CFAP54: variants seen among roughly 807,000 people sequenced by gnomAD.
CFAP54 encodes the protein cilia and flagella associated protein 54, also known as cilia- and flagella-associated protein 54.
A neutral mutation model predicts 370.4 loss-of-function variants in CFAP54; 290 were observed. The observed-to-expected ratio is 0.78, with a 90% confidence interval of 0.71 to 0.86. The LOEUF (loss-of-function observed/expected upper bound fraction) is 0.86. Among genes scored for constraint, CFAP54 ranks in the 40% least tolerant of loss-of-function variants. The pLI, the probability that CFAP54 is intolerant of heterozygous loss-of-function variation, is 0.00. For synonymous variants in CFAP54, 1,206 were observed against 1,236.5 expected (o/e 0.98, Z 0.52); for missense variants, 3,399 against 3,528.7 (o/e 0.96, Z 0.93).
chr12:96,762,832 A>G (rs529861409), intron 58 of CFAP54, among the ~76,000 whole-genome samples: 3 of 152,016 alleles, frequency 2.0e-5, no homozygotes, highest in East Asian at 3.9e-4. Flanking sequence ...CCCCATAGGT[A>G]GATCTTTCCA....
rs1428517474 is a variant in CFAP54 at position 96,644,169 on chromosome 12, C to T, written c.4317-9C>T. 8 of 1,510,556 alleles carry T rather than the reference C, an allele frequency of 5.3e-6. No homozygotes were observed. Among genetic ancestry groups the T allele is most frequent in the Non-Finnish European group, 7.1e-6 (8 of 1,129,762 alleles). The allele number at this position is 1,510,556 out of a possible 1,614,324, so 93.6% of individuals were successfully genotyped here. On this transcript the variant is annotated splice_polypyrimidine_tract_variant and intron_variant, in intron 32 of 67. Transcript: ENST00000524981. ...TGTGTAATTTCAAAACTTCTTTCTC[C>T]CTTGGCAGAAATAGGAGAACCAGTG...
intron 48 of CFAP54, among the ~76,000 whole-genome samples, chr12:96,715,810 T>C (rs535090671): frequency 2.2e-4 from 34 of 152,214 alleles, no homozygotes; most frequent in Non-Finnish European, 3.4e-4. Context: ...ATATTTTTAT[T>C]GTCTTCCCAC....
chr12:96,564,833 CT>C, intron 19 of CFAP54, 68 bp downstream of exon 19: 1 of 518,396 alleles, frequency 1.9e-6, no homozygotes, highest in Non-Finnish European at 3.3e-6. Context: ...GATTCATTTC[CT>C]TTATTAAAAA....
chr12:96,689,126 G>T lies in CFAP54; in HGVS notation c.6081+144G>T, dbSNP rs577017854. Reference sequence around the variant, plus strand: ...AATATGACAAGCCCGTCTTTCTCTTGCTGGCTGAACCCCTGTGAGACTTTC... The same window carrying T: ...AATATGACAAGCCCGTCTTTCTCTTTCTGGCTGAACCCCTGTGAGACTTTC... On this transcript the variant is annotated intron_variant, in intron 43 of 67. Coordinates refer to ENST00000524981, the MANE Select transcript of CFAP54 (RefSeq NM_001306084.2). 6 of 515,044 alleles carry T rather than the reference G, an allele frequency of 1.2e-5. No homozygotes were observed. The East Asian group carries it at 2.0e-4, about 17-fold the overall frequency. The allele number at this position is 515,044 out of a possible 1,614,324, so 31.9% of individuals were successfully genotyped here. A position where few individuals can be genotyped will look rare whatever the true frequency, so the allele number is the denominator to read the frequency against.
At chr12:96,601,892 C>T (rs982062854) in intron 26 of CFAP54, among the ~76,000 whole-genome samples, 1 of 152,094 alleles carries the variant, frequency 6.6e-6, no homozygotes, top group Non-Finnish European at 1.5e-5. Flanking sequence ...TTCTGTTGAT[C>T]TTTTCAAAAA....
chr12:96,546,548 G>A (rs1345291625), intron 14 of CFAP54, among the ~76,000 whole-genome samples: 2 of 152,004 alleles, frequency 1.3e-5, no homozygotes, highest in African/African-American at 4.8e-5. Flanking sequence ...TCTATTTCTG[G>A]CCAGGTGCAG....
intron 67 of CFAP54, among the ~76,000 whole-genome samples, chr12:96,869,684 C>A (rs913826880): frequency 4.6e-5 from 7 of 151,758 alleles, no homozygotes; most frequent in Admixed American, 4.6e-4. Flanking sequence ...ACCTGTAATC[C>A]CAGCACTTTG....
chr12:96,740,439 A>G (rs1958038225), intron 51 of CFAP54, among the ~76,000 whole-genome samples: 1 of 152,228 alleles, frequency 6.6e-6, no homozygotes, highest in African/African-American at 2.4e-5. Context: ...TGCCAGTCAG[A>G]TACCTGGGCT....
At chr12:96,861,380 G>A (rs1959876219) in intron 67 of CFAP54, among the ~76,000 whole-genome samples, 1 of 152,116 alleles carries the variant, frequency 6.6e-6, no homozygotes, top group South Asian at 2.1e-4. Flanking sequence ...CATCCTACAA[G>A]GCACAAGACG....
At chr12:96,635,962 AT>A (rs1956660463) in intron 32 of CFAP54, among the ~76,000 whole-genome samples, 1 of 152,136 alleles carries the variant, frequency 6.6e-6, no homozygotes, top group South Asian at 2.1e-4. Context: ...AAGACTTTTC[AT>A]AACCTGGCTT....
intron 63 of CFAP54, among the ~76,000 whole-genome samples, chr12:96,811,440 T>C (rs1314090032): frequency 1.3e-5 from 2 of 152,326 alleles, no homozygotes; most frequent in East Asian, 3.9e-4. Context: ...GTATGCTTAA[T>C]ACTTACTGTA....
At chr12:96,582,400 A>G (rs979241553) in intron 22 of CFAP54, among the ~76,000 whole-genome samples, 4 of 152,128 alleles carry the variant, frequency 2.6e-5, no homozygotes, top group African/African-American at 7.2e-5. Flanking sequence ...AAATTTTGTC[A>G]TATTTCTATT....
rs1472963489 is a variant in CFAP54 at position 96,522,046 on chromosome 12, A to G, written c.1057-42A>G. ...TAAATACTTAGTAGTTGGGAAGTGCATCTCATTGTTATTTCATGTATAATT... is the reference window on the plus strand; with the variant it reads ...TAAATACTTAGTAGTTGGGAAGTGCGTCTCATTGTTATTTCATGTATAATT... On this transcript the variant is annotated intron_variant, in intron 7 of 67. Transcript: ENST00000524981. 2.6e-6 allele frequency: 4 copies of G among 1,525,484 alleles called. No homozygotes were observed. The South Asian group carries it at 3.6e-5, about 14-fold the overall frequency. The allele number at this position is 1,525,484 out of a possible 1,614,324, so 94.5% of individuals were successfully genotyped here.
intron 63 of CFAP54, among the ~76,000 whole-genome samples, chr12:96,796,145 G>A (rs1958759597): frequency 6.6e-6 from 1 of 152,140 alleles, no homozygotes; most frequent in Non-Finnish European, 1.5e-5. Context: ...TATCTTATGG[G>A]GCCTGCAGCA....
Position 96,489,737 on chromosome 12 carries a change from G to T in CFAP54, c.128G>T (p.Arg43Leu). The T allele has an allele frequency of 6.5e-7, 1 of 1,536,082 alleles. No homozygotes were observed. The highest frequency in any genetic ancestry group is 8.7e-7 in the Non-Finnish European group (1 of 1,146,906). ...RSPPESKGSS[R>L]SSLLQWTCPE... ...CCCCCAGAGTCGAAGGGGAGCTCCCGGAGCTCGCTGCTTCAGTGGACCTGC... is the reference window on the plus strand; with the variant it reads ...CCCCCAGAGTCGAAGGGGAGCTCCCTGAGCTCGCTGCTTCAGTGGACCTGC... Residue 43 changes from arginine (R) to leucine (L), a missense_variant, in exon 1 of 68, where the codon CGG becomes CTG. This residue lies in a region of CFAP54 where 559 missense variants were observed against 576.7 expected (regional missense o/e 0.97). Transcript: ENST00000524981.
intron 63 of CFAP54, among the ~76,000 whole-genome samples, chr12:96,802,503 G>T (rs1958830780): frequency 6.6e-6 from 1 of 152,082 alleles, no homozygotes; most frequent in Non-Finnish European, 1.5e-5. Flanking sequence ...CAGCTACCAA[G>T]AACACCAACA....
At chr12:96,765,276 A>C (rs777359146) in intron 60 of CFAP54, 58 bp downstream of exon 60, 2 of 1,334,558 alleles carry the variant, frequency 1.5e-6, no homozygotes, top group Non-Finnish European at 2.0e-6. Flanking sequence ...TATAGAATCA[A>C]GTTTCAAAGA....
At chr12:96,527,694 A>C (rs1398719854) in intron 9 of CFAP54, among the ~76,000 whole-genome samples, 1 of 151,904 alleles carries the variant, frequency 6.6e-6, no homozygotes, top group African/African-American at 2.4e-5. Context: ...TTAGCCTCCC[A>C]AGTAGCTGGG....
chr12:96,752,132 G>GAGAGAGAGAT (rs1807832409), intron 55 of CFAP54, among the ~76,000 whole-genome samples: 1 of 136,858 alleles, frequency 7.3e-6, no homozygotes, highest in African/African-American at 2.8e-5. Context: ...GAGAGAGAGA[G>GAGAGAGAGAT]ATTGAGGCTG....
Sources: allele counts gnomAD v4.1 joint callset (sites outside exome capture counted in the v4.1 genomes callset), GRCh38; gene constraint gnomAD v4.1.1; regional missense constraint gnomAD v4.1.1; transcripts MANE v1.5; gene names NCBI Gene and HGNC (gene_info 2026-07-23, HGNC 2026-07-21).